The following HS6ST3 variants were observed in gnomAD, a reference collection of about 807,000 sequenced individuals.
The protein encoded by HS6ST3 is heparan-sulfate 6-O-sulfotransferase 3.
A neutral mutation model predicts 36.7 loss-of-function variants in HS6ST3; 12 were observed. That is an observed-to-expected ratio of 0.33 (90% CI 0.21 to 0.53). The LOEUF (loss-of-function observed/expected upper bound fraction) is 0.53. Ranked by LOEUF, HS6ST3 falls within the 20% of genes least tolerant of loss-of-function variation. HS6ST3 has a pLI of 0.95. For missense variants in HS6ST3, 584 were observed against 640.9 expected (o/e 0.91, Z 0.96); for synonymous variants, 240 against 257.5 (o/e 0.93, Z 0.65).
At chr13:96,829,229 A>G (rs781382975) in intron 1 of HS6ST3, among the ~76,000 whole-genome samples, 114 of 152,152 alleles carry the variant, frequency 7.5e-4, no homozygotes, top group Non-Finnish European at 1.1e-3. Context: ...TCCTGATGTG[A>G]TAACATCAAC....
intron 1 of HS6ST3, among the ~76,000 whole-genome samples, chr13:96,521,496 T>G (rs1045145815): frequency 6.6e-6 from 1 of 152,220 alleles, no homozygotes; most frequent in Non-Finnish European, 1.5e-5. Flanking sequence ...TTTTTTTGGT[T>G]GGTAGGCTAT....
At chr13:96,626,828 A>C (rs1347566025) in intron 1 of HS6ST3, among the ~76,000 whole-genome samples, 3 of 152,070 alleles carry the variant, frequency 2.0e-5, no homozygotes, top group Non-Finnish European at 4.4e-5. Context: ...GCTATTCTAC[A>C]TAGTATTTTT....
chr13:96,457,669 C>T (rs1403124536), intron 1 of HS6ST3, among the ~76,000 whole-genome samples: 1 of 152,052 alleles, frequency 6.6e-6, no homozygotes, highest in African/African-American at 2.4e-5. Flanking sequence ...GATGGGCAGA[C>T]AAGACTGCTT....
At chr13:96,425,710 G>A (rs980473084) in intron 1 of HS6ST3, among the ~76,000 whole-genome samples, 2 of 151,998 alleles carry the variant, frequency 1.3e-5, no homozygotes, top group Admixed American at 1.3e-4. Context: ...CCTCAGGCGG[G>A]ACAGTAAATA....
At chr13:96,457,388 G>A (rs935805967) in intron 1 of HS6ST3, among the ~76,000 whole-genome samples, 1 of 152,016 alleles carries the variant, frequency 6.6e-6, no homozygotes, top group African/African-American at 2.4e-5. Context: ...CTTCTCAGGT[G>A]GGAGAAAGAG....
At chr13:96,099,405 G>A (rs1215989693) in intron 1 of HS6ST3, among the ~76,000 whole-genome samples, 1 of 152,190 alleles carries the variant, frequency 6.6e-6, no homozygotes, top group Non-Finnish European at 1.5e-5. Flanking sequence ...TTAGGATGCT[G>A]TGGATATTCA....
At chr13:96,175,521 T>A (rs2139336833) in intron 1 of HS6ST3, among the ~76,000 whole-genome samples, 1 of 152,232 alleles carries the variant, frequency 6.6e-6, no homozygotes, top group Non-Finnish European at 1.5e-5. Context: ...AAAATATTTC[T>A]GCCTTTTTTT....
intron 1 of HS6ST3, among the ~76,000 whole-genome samples, chr13:96,292,884 A>G (rs1020513073): frequency 2.0e-5 from 3 of 152,142 alleles, no homozygotes; most frequent in Non-Finnish European, 2.9e-5. Flanking sequence ...GTTAGACAAA[A>G]TGTGCTGAAC....
At chr13:96,318,327 T>G (rs1353130870) in intron 1 of HS6ST3, among the ~76,000 whole-genome samples, 1 of 150,998 alleles carries the variant, frequency 6.6e-6, no homozygotes, top group Admixed American at 6.6e-5. Flanking sequence ...AGGTCAGGAG[T>G]CTGAGACCAG....
At chr13:96,748,234 T>C (rs1394771942) in intron 1 of HS6ST3, among the ~76,000 whole-genome samples, 1 of 152,094 alleles carries the variant, frequency 6.6e-6, no homozygotes, top group Non-Finnish European at 1.5e-5. Context: ...TAAGATTCTC[T>C]GTACCTCTGC....
At chr13:96,687,820 A>G (rs1170845228) in intron 1 of HS6ST3, among the ~76,000 whole-genome samples, 1 of 152,082 alleles carries the variant, frequency 6.6e-6, no homozygotes, top group East Asian at 1.9e-4. Flanking sequence ...AGAATGACTG[A>G]CATTGTAATT....
chr13:96,330,689 T>C (rs1203291665), intron 1 of HS6ST3, among the ~76,000 whole-genome samples: 7 of 148,178 alleles, frequency 4.7e-5, no homozygotes, highest in Middle Eastern at 3.6e-3. Context: ...AGGAGTATCT[T>C]TGTGGCGTTC....
At chr13:96,188,821 T>C (rs2054276451) in intron 1 of HS6ST3, among the ~76,000 whole-genome samples, 1 of 152,214 alleles carries the variant, frequency 6.6e-6, no homozygotes, top group African/African-American at 2.4e-5. Context: ...TGTCCATAAT[T>C]AGAAGAGTTG....
At chr13:96,453,616 T>C (rs763559954) in intron 1 of HS6ST3, among the ~76,000 whole-genome samples, 3 of 152,056 alleles carry the variant, frequency 2.0e-5, no homozygotes, top group Non-Finnish European at 4.4e-5. Context: ...TTCAGTAGCA[T>C]TGAAGGAAGC....
In HS6ST3 at chr13:96,534,697, G is replaced by T. The variant is rs146689457; in HGVS notation, c.708-297793G>T. ...GAAGAGGCCGGGCACGGTGGCACAC[G>T]CCTGTAATCCCAGTGCTTTGGGAGG... On this transcript the variant is annotated intron_variant, in intron 1 of 1. Coordinates refer to ENST00000376705, the MANE Select transcript of HS6ST3 (RefSeq NM_153456.4). Among the ~76,000 whole-genome samples the T allele has an allele frequency of 4.4e-3, 667 of 152,296 alleles. 3 individuals carry two copies. Among genetic ancestry groups the T allele is most frequent in the African/African-American group, 0.015 (640 of 41,568 alleles).
At chr13:96,755,508 G>A (rs1265220089) in intron 1 of HS6ST3, among the ~76,000 whole-genome samples, 1 of 152,054 alleles carries the variant, frequency 6.6e-6, no homozygotes, top group Non-Finnish European at 1.5e-5. Context: ...GAGATTACAG[G>A]TGCCAGCCAC....
intron 1 of HS6ST3, among the ~76,000 whole-genome samples, chr13:96,637,591 G>A (rs1331114201): frequency 2.6e-5 from 4 of 152,090 alleles, no homozygotes; most frequent in Non-Finnish European, 4.4e-5. Flanking sequence ...AACAAGGCAG[G>A]TGATAGATGA....
rs542119854 is a variant in HS6ST3, at chr13:96,641,032, A to G, written c.708-191458A>G. ...TTGCTTCAGATTGCTTTGGCTGTTCAGGCTCCTTTTTGGTTCTATATGAAT... is the reference window on the plus strand; with the variant it reads ...TTGCTTCAGATTGCTTTGGCTGTTCGGGCTCCTTTTTGGTTCTATATGAAT... On this transcript the variant is annotated intron_variant, in intron 1 of 1. Transcript: ENST00000376705. Among the ~76,000 whole-genome samples, 11 of 151,934 alleles carry G rather than the reference A, an allele frequency of 7.2e-5. No individual in the cohort carries two copies. In the South Asian group the frequency reaches 2.1e-3, roughly 29 times the overall value.
At chr13:96,287,937 G>A (rs968779618) in intron 1 of HS6ST3, among the ~76,000 whole-genome samples, 8 of 152,156 alleles carry the variant, frequency 5.3e-5, no homozygotes, top group African/African-American at 1.7e-4. Flanking sequence ...TTTTGCAGAT[G>A]TGGAGGCTGA....
Sources: allele counts gnomAD v4.1 joint callset (sites outside exome capture counted in the v4.1 genomes callset), GRCh38; gene constraint gnomAD v4.1.1; transcripts MANE v1.5; gene names NCBI Gene and HGNC (gene_info 2026-07-23, HGNC 2026-07-21).